The following FBRSL1 variants were observed in gnomAD, a reference collection of about 807,000 sequenced individuals.
The protein encoded by FBRSL1 is fibrosin-1-like protein.
A neutral mutation model predicts 89.6 loss-of-function variants in FBRSL1; 51 were observed. The ratio of observed to expected loss-of-function variants is 0.57; its 90% CI spans 0.45 to 0.72. The LOEUF (loss-of-function observed/expected upper bound fraction) is 0.72, where lower values mean the gene tolerates loss of function less well. FBRSL1 is among the 30% of genes least tolerant of loss of function. The probability of loss-of-function intolerance (pLI) is 0.00; values close to 1 mark genes in which losing one functional copy is unlikely to be tolerated. For synonymous variants in FBRSL1, 779 were observed against 681.1 expected, an observed-to-expected ratio of 1.14 and a Z score of -2.24; for missense variants, 1,618 against 1,451.8, an observed-to-expected ratio of 1.11 and a Z score of -1.86.
At chr12:132,573,239 A>C (rs1309531668) in intron 11 of FBRSL1, among the ~76,000 whole-genome samples, 1 of 152,122 alleles carries the variant, frequency 6.6e-6, no homozygotes, top group Admixed American at 6.5e-5. Context: ...CGGGGCCTGG[A>C]CCATCCCCGG....
chr12:132,534,003 A>G (rs868696303), intron 4 of FBRSL1, among the ~76,000 whole-genome samples: 3 of 152,048 alleles, frequency 2.0e-5, no homozygotes, highest in South Asian at 2.1e-4. Context: ...GGTGCAGGGG[A>G]GCTGGGCCGT....
intron 4 of FBRSL1, among the ~76,000 whole-genome samples, chr12:132,541,990 C>T (rs895993397): frequency 6.6e-5 from 10 of 152,270 alleles, no homozygotes; most frequent in Non-Finnish European, 4.4e-5. Flanking sequence ...GTCTGCCCCA[C>T]GAGGGCCCAG....
At chr12:132,558,957 G>A (rs1406527107) in intron 5 of FBRSL1, among the ~76,000 whole-genome samples, 1 of 152,266 alleles carries the variant, frequency 6.6e-6, no homozygotes, top group Non-Finnish European at 1.5e-5. Flanking sequence ...CGGGTCCAGA[G>A]CTGCGCCCTC....
intron 4 of FBRSL1, among the ~76,000 whole-genome samples, chr12:132,529,899 C>G (rs1411018990): frequency 2.6e-5 from 4 of 152,228 alleles, no homozygotes; most frequent in Non-Finnish European, 5.9e-5. Context: ...CAAGGGCCCT[C>G]TTCCTAGGGT....
rs764851864 is a variant in FBRSL1 at position 132,574,175 on chromosome 12, G to A, written c.1599+17G>A. 6.3e-5 allele frequency: 90 copies of A among 1,425,734 alleles called. No individual in the cohort carries two copies. The highest frequency in any genetic ancestry group is 9.0e-5 in the Admixed American group (3 of 33,192). The allele number at this position is 1,425,734 out of a possible 1,614,324, so 88.3% of individuals were successfully genotyped here. On this transcript the variant is annotated intron_variant, in intron 12 of 18. Coordinates refer to ENST00000680143, the MANE Select transcript of FBRSL1 (RefSeq NM_001367871.1). Reference sequence around the variant, plus strand: ...GCGCCTGGGGTAGGTGTTAGTGGGCGCCCGTCCCCACCCCGGGGGATGGCC... The same window carrying A: ...GCGCCTGGGGTAGGTGTTAGTGGGCACCCGTCCCCACCCCGGGGGATGGCC...
intron 4 of FBRSL1, among the ~76,000 whole-genome samples, chr12:132,544,785 G>A (rs1423896436): frequency 6.6e-6 from 1 of 151,882 alleles, no homozygotes; most frequent in Non-Finnish European, 1.5e-5. Context: ...CGATGGTGAG[G>A]ATGATGGTGA....
intron 5 of FBRSL1, among the ~76,000 whole-genome samples, chr12:132,558,511 A>T (rs1350636792): frequency 6.6e-6 from 1 of 152,248 alleles, no homozygotes; most frequent in Non-Finnish European, 1.5e-5. Context: ...TCATGGCAGG[A>T]AACAGCAGGG....
intron 5 of FBRSL1, among the ~76,000 whole-genome samples, 161 bp from the exon 6 acceptor site, chr12:132,567,320 A>C (rs1032894309): frequency 6.6e-6 from 1 of 152,210 alleles, no homozygotes; most frequent in African/African-American, 2.4e-5. Flanking sequence ...CGTGGAGCTC[A>C]GGACTAAGCG....
At chr12:132,551,797 C>A (rs766011099) in intron 5 of FBRSL1, 5 of 350,080 alleles carry the variant, frequency 1.4e-5, no homozygotes, top group Non-Finnish European at 2.9e-5. Context: ...ATGGCCCCTT[C>A]GCAAGTCTTC....
At chr12:132,523,754 A>C (rs181116423) in intron 2 of FBRSL1, among the ~76,000 whole-genome samples, 1 of 152,306 alleles carries the variant, frequency 6.6e-6, no homozygotes, top group East Asian at 1.9e-4. Flanking sequence ...GGCCGGTGAT[A>C]CACGGTTCCT....
At chr12:132,538,538 C>T (rs1444757192) in intron 4 of FBRSL1, among the ~76,000 whole-genome samples, 2 of 152,208 alleles carry the variant, frequency 1.3e-5, no homozygotes, top group African/African-American at 2.4e-5. Context: ...GGGGCCGCCA[C>T]GTGGCACAGC....
intron 14 of FBRSL1, among the ~76,000 whole-genome samples, chr12:132,576,472 C>T (rs760693736): frequency 2.0e-5 from 3 of 152,172 alleles, no homozygotes; most frequent in African/African-American, 2.4e-5. Flanking sequence ...GGATTACAGG[C>T]GTGAGCCACC....
intron 1 of FBRSL1, 98 bp downstream of exon 1, chr12:132,490,959 C>T: frequency 1.0e-6 from 1 of 980,914 alleles, no homozygotes; most frequent in Non-Finnish European, 1.2e-6. Context: ...TGCGACCGCC[C>T]GCGCCGTGGG....
At position 132,527,972 on chromosome 12, in the gene FBRSL1, C is replaced by T. The variant is rs1296515114; in HGVS notation, c.599C>T (p.Ser200Leu). ...CTGCAGAGCTCTGCGCATGCGGTCTCGGGGAGAGGCTACTCTGTAAGTCTC... is the reference window on the plus strand; with the variant it reads ...CTGCAGAGCTCTGCGCATGCGGTCTTGGGGAGAGGCTACTCTGTAAGTCTC... ...PLSDSSAHAV[S>L]GRGYSCDSES... is the part of the protein sequence containing the mutation. Residue 200 changes from serine to leucine, a missense_variant, in exon 4 of 19, where the codon TCG becomes TTG. Transcript: ENST00000680143. 3 of 1,551,292 alleles carry T rather than the reference C, an allele frequency of 1.9e-6. No individual in the cohort carries two copies. The highest frequency in any genetic ancestry group is 2.6e-6 in the Non-Finnish European group (3 of 1,146,924).
Position 132,510,277 on chromosome 12 carries a change from G to A in FBRSL1, c.489+1927G>A, listed in dbSNP as rs531878060. ...GGCCCACCCTGCCGGCCTCTCCTGG[G>A]GCTCCTGTGCCAGCCGCGGCGGTCC... On this transcript the variant is annotated intron_variant, in intron 2 of 18. Transcript: ENST00000680143. 95 of 1,230,252 alleles carry A rather than the reference G, an allele frequency of 7.7e-5. 1 individual carries two copies. In the East Asian group the frequency reaches 1.5e-3, roughly 19 times the overall value. The allele number at this position is 1,230,252 out of a possible 1,614,324, so 76.2% of individuals were successfully genotyped here. A position where few individuals can be genotyped will look rare whatever the true frequency, so the allele number is the denominator to read the frequency against.
At chr12:132,509,530 C>T (rs1432496126) in intron 2 of FBRSL1, 2 of 1,234,504 alleles carry the variant, frequency 1.6e-6, no homozygotes, top group African/African-American at 1.6e-5. Context: ...CTCCCAGGCC[C>T]CAGGCAGTGC....
intron 15 of FBRSL1, among the ~76,000 whole-genome samples, chr12:132,577,997 G>A (rs1216787692): frequency 6.6e-6 from 1 of 152,240 alleles, no homozygotes; most frequent in South Asian, 2.1e-4. Context: ...GAACCACACA[G>A]AGGCTGGGAC....
intron 4 of FBRSL1, among the ~76,000 whole-genome samples, 151 bp downstream of exon 4, chr12:132,528,139 C>G (rs954623508): frequency 2.6e-5 from 4 of 152,160 alleles, no homozygotes; most frequent in Admixed American, 2.0e-4. Context: ...TGGCCTCAAA[C>G]ACCATGGGGT....
chr12:132,538,189 G>A (rs983711854), intron 4 of FBRSL1, among the ~76,000 whole-genome samples: 5 of 152,216 alleles, frequency 3.3e-5, no homozygotes, highest in African/African-American at 1.2e-4. Context: ...GAAGGGGCCT[G>A]GGAGGGTGTG....
Sources: gnomAD v4.1 joint callset for allele counts (sites outside exome capture counted in the v4.1 genomes callset) on GRCh38, gnomAD v4.1.1 for gene constraint, MANE v1.5 for transcripts, NCBI Gene and HGNC (gene_info 2026-07-23, HGNC 2026-07-21) for gene names.